Variants in SLC20A2 observed in about 807,000 individuals in gnomAD.
SLC20A2 encodes the protein solute carrier family 20 member 2.
A neutral mutation model predicts 61.0 loss-of-function variants in SLC20A2; 30 were observed. The observed-to-expected ratio is 0.49, with a 90% CI of 0.37 to 0.67. The LOEUF (loss-of-function observed/expected upper bound fraction) is 0.67, where lower values mean the gene tolerates loss of function less well. Ranked by LOEUF, SLC20A2 falls within the 30% of genes least tolerant of loss-of-function variation. The pLI is 0.00. For synonymous variants in SLC20A2, 351 were observed against 353.3 expected (o/e 0.99, Z 0.07); for missense variants, 626 against 866.4 (o/e 0.72, Z 3.48).
chr8:42,518,727 G>A (rs1462979262), intron 1 of SLC20A2, among the ~76,000 whole-genome samples: 1 of 152,182 alleles, frequency 6.6e-6, no homozygotes, highest in Non-Finnish European at 1.5e-5. Flanking sequence ...AGATGGCTCA[G>A]CCCCACACTC....
chr8:42,540,694 T>G lies in SLC20A2; in HGVS notation c.-265+1127A>C, dbSNP rs139728749. ...CTGCAGGGTTTCATGTGACTTATAA[T>G]TACCAGTCAGCTGGTCCTAGAGAAC... On this transcript the variant is annotated intron_variant, in intron 1 of 10. Coordinates refer to the SLC20A2 transcript ENST00000342228. Among the ~76,000 whole-genome samples, 125 of 152,332 alleles carry G rather than the reference T, an allele frequency of 8.2e-4. 1 individual carries two copies. In the East Asian group the frequency reaches 0.023, roughly 28 times the overall value.
intron 2 of SLC20A2, among the ~76,000 whole-genome samples, chr8:42,466,274 T>C (rs1180708241): frequency 2.0e-5 from 3 of 152,262 alleles, no homozygotes; most frequent in Non-Finnish European, 2.9e-5. Flanking sequence ...TTAGTAAAGA[T>C]GGGGTCTCAC....
At chr8:42,442,786 C>T (rs1443690897) in intron 6 of SLC20A2, among the ~76,000 whole-genome samples, 4 of 152,210 alleles carry the variant, frequency 2.6e-5, no homozygotes, top group Non-Finnish European at 5.9e-5. Flanking sequence ...TAAGAACTGG[C>T]ATCTCTACTA....
upstream of SLC20A2, among the ~76,000 whole-genome samples, chr8:42,505,908 C>A (rs961062246): frequency 6.6e-6 from 1 of 151,472 alleles, no homozygotes; most frequent in Non-Finnish European, 1.5e-5. Context: ...AAAAAGCCAT[C>A]AAAAAATGAA....
chr8:42,477,409 C>T (rs1204360937), intron 1 of SLC20A2, among the ~76,000 whole-genome samples: 1 of 151,550 alleles, frequency 6.6e-6, no homozygotes, highest in Non-Finnish European at 1.5e-5. Flanking sequence ...CCTCAACACG[C>T]AGACACTGAC....
At chr8:42,537,946 G>A (rs1048879059) in intron 1 of SLC20A2, 2 of 152,120 alleles carry the variant, frequency 1.3e-5, no homozygotes, top group African/African-American at 4.8e-5. Context: ...GTACGATCTT[G>A]AGCAACAAAC....
At position 42,427,350 on chromosome 8, in the gene SLC20A2, G is replaced by C. The variant is rs371471459; in HGVS notation, c.1794+1408C>G. On this transcript the variant is annotated intron_variant, in intron 10 of 10. Transcript: ENST00000520262. Reference sequence around the variant, plus strand: ...CTGATGGGGACCTGAACGAGAAGGTGTGTGGCCTGAGGTGAAGATCTGAAT... The same window carrying C: ...CTGATGGGGACCTGAACGAGAAGGTCTGTGGCCTGAGGTGAAGATCTGAAT... Among the ~76,000 whole-genome samples the C allele has an allele frequency of 2.6e-5, 4 of 152,356 alleles. No individual in the cohort carries two copies. The East Asian group carries it at 7.7e-4, about 29-fold the overall frequency.
chr8:42,528,004 C>T (rs1812083818), intron 1 of SLC20A2, among the ~76,000 whole-genome samples: 1 of 152,190 alleles, frequency 6.6e-6, no homozygotes, highest in African/African-American at 2.4e-5. Context: ...TCACTGCTCT[C>T]TTCTTTATAC....
intron 10 of SLC20A2, among the ~76,000 whole-genome samples, chr8:42,423,722 T>TAAGTTAC (rs1308578919): frequency 2.0e-5 from 3 of 152,246 alleles, no homozygotes; most frequent in Non-Finnish European, 4.4e-5. Context: ...TTAACAATTT[T>TAAGTTAC]ATGTATTTAG....
At chr8:42,475,213 C>T (rs1487058664) in intron 1 of SLC20A2, among the ~76,000 whole-genome samples, 2 of 152,066 alleles carry the variant, frequency 1.3e-5, no homozygotes, top group Admixed American at 6.6e-5. Context: ...GATCCTCCTG[C>T]CTCAGCCTCC....
At chr8:42,522,191 G>A (rs1002189159) in intron 1 of SLC20A2, among the ~76,000 whole-genome samples, 1 of 120,714 alleles carries the variant, frequency 8.3e-6, no homozygotes, top group African/African-American at 2.5e-5. Context: ...CAGTTATCAC[G>A]TCCCAGGTAC....
chr8:42,467,191 T>C (rs1042016656), intron 2 of SLC20A2, among the ~76,000 whole-genome samples: 2 of 152,198 alleles, frequency 1.3e-5, no homozygotes, highest in Non-Finnish European at 2.9e-5. Context: ...GGGCATCTGC[T>C]CTCAGATCCT....
chr8:42,438,053 AAAAAAAAACC>A lies in SLC20A2; in HGVS notation c.935-486_935-477del, dbSNP rs1437207842. Among the ~76,000 whole-genome samples the A allele has an allele frequency of 4.6e-5, 6 of 129,188 alleles. 1 individual carries two copies. The highest frequency in any genetic ancestry group is 6.5e-5 in the African/African-American group (2 of 30,808). 84.8% of individuals were successfully genotyped at this position (129,188 alleles called of 152,430 possible). A position where few individuals can be genotyped will look rare whatever the true frequency, so the allele number is the denominator to read the frequency against. ...GGACATGTAATATGGTTACCACTAAAAAAAAAAACCAAAAAAAAAAAAAAAAAAAAAAAAA... is the reference window on the plus strand; with the variant it reads ...GGACATGTAATATGGTTACCACTAAAAAAAAAAAAAAAAAAAAAAAAAAAA... On this transcript the variant is annotated intron_variant, in intron 7 of 10. Transcript: ENST00000520262.
intron 5 of SLC20A2, among the ~76,000 whole-genome samples, chr8:42,454,905 T>A (rs1806022058): frequency 6.6e-6 from 1 of 151,882 alleles, no homozygotes; most frequent in African/African-American, 2.4e-5. Context: ...AGGTGGCTGC[T>A]TCTTCACACT....
At chr8:42,443,505 CA>C (rs1736126860) in intron 6 of SLC20A2, among the ~76,000 whole-genome samples, 1 of 151,396 alleles carries the variant, frequency 6.6e-6, no homozygotes, top group African/African-American at 2.4e-5. Flanking sequence ...TTAGTAGAGA[CA>C]GGGTTTTATT....
intron 10 of SLC20A2, among the ~76,000 whole-genome samples, chr8:42,428,052 G>A (rs1803547256): frequency 6.6e-6 from 1 of 152,188 alleles, no homozygotes; most frequent in Non-Finnish European, 1.5e-5. Flanking sequence ...GTTGGGTGAT[G>A]AGACCGGGGC....
chr8:42,518,229 C>A (rs1286824905), intron 1 of SLC20A2, among the ~76,000 whole-genome samples: 4 of 152,186 alleles, frequency 2.6e-5, no homozygotes, highest in Non-Finnish European at 4.4e-5. Context: ...CATGAGCCAC[C>A]ACGCCCAGAC....
At chr8:42,490,464 G>A (rs1809427982) in intron 1 of SLC20A2, among the ~76,000 whole-genome samples, 1 of 152,178 alleles carries the variant, frequency 6.6e-6, no homozygotes, top group Non-Finnish European at 1.5e-5. Context: ...GGACATGGTG[G>A]CATGCACCTG....
intron 1 of SLC20A2, among the ~76,000 whole-genome samples, chr8:42,496,522 C>T (rs1377991481): frequency 1.3e-5 from 2 of 152,228 alleles, no homozygotes; most frequent in African/African-American, 2.4e-5. Flanking sequence ...GGCCACCTTC[C>T]TGACTCTAGA....
Sources: allele counts gnomAD v4.1 joint callset (sites outside exome capture counted in the v4.1 genomes callset), GRCh38; gene constraint gnomAD v4.1.1; transcripts MANE v1.5; gene names NCBI Gene and HGNC (gene_info 2026-07-23, HGNC 2026-07-21).